RTKN2: variants seen among roughly 807,000 people sequenced by gnomAD.
RTKN2 encodes rhotekin 2, also known as rhotekin-2.
Under a neutral mutation model 71.5 loss-of-function variants are expected in RTKN2, and 69 were observed. That is an observed-to-expected ratio of 0.96 (90% CI 0.79 to 1.18). RTKN2 has a LOEUF of 1.18. Among genes scored for constraint, RTKN2 ranks in the 50% most tolerant of loss-of-function variants. The probability of loss-of-function intolerance (pLI) is 0.00; values close to 1 mark genes in which losing one functional copy is unlikely to be tolerated. For synonymous variants in RTKN2, 236 were observed against 236.5 expected, an observed-to-expected ratio of 1.00 and a Z score of 0.02; for missense variants, 724 against 719.7, an observed-to-expected ratio of 1.01 and a Z score of -0.07.
intron 4 of RTKN2, among the ~76,000 whole-genome samples, chr10:62,240,234 A>G (rs1322681273): frequency 1.5e-5 from 2 of 130,212 alleles, no homozygotes; most frequent in Non-Finnish European, 3.2e-5. Context: ...CCAAACTAAC[A>G]GCAAGGGAGG....
chr10:62,250,806 T>C (rs2048330808), intron 2 of RTKN2, among the ~76,000 whole-genome samples: 1 of 152,124 alleles, frequency 6.6e-6, no homozygotes, highest in Non-Finnish European at 1.5e-5. Flanking sequence ...ATGTTTATGT[T>C]ATTTGGTAGA....
intron 1 of RTKN2, among the ~76,000 whole-genome samples, chr10:62,263,554 A>G (rs1842815850): frequency 6.6e-6 from 1 of 152,250 alleles, no homozygotes; most frequent in Non-Finnish European, 1.5e-5. Context: ...TATATTATAT[A>G]CATTGTATTA....
At position 62,227,010 on chromosome 10, in the gene RTKN2, C is replaced by T. The variant is rs547159250; in HGVS notation, c.687-3678G>A. 5.8e-4 allele frequency among the ~76,000 whole-genome samples: 88 copies of T among 152,154 alleles called. 1 individual carries two copies. The Middle Eastern group carries it at 0.024, about 41-fold the overall frequency. On this transcript the variant is annotated intron_variant, in intron 6 of 11. Transcript: ENST00000373789. ...AATTGATAACACATTATAACGTTTC[C>T]CACTTAAAATAATGGGAAGTAGACT...
intron 2 of RTKN2, among the ~76,000 whole-genome samples, chr10:62,258,924 G>A (rs1289570816): frequency 6.6e-6 from 1 of 152,068 alleles, no homozygotes; most frequent in African/African-American, 2.4e-5. Flanking sequence ...AGCCACAAAG[G>A]CACTGTGTAT....
At position 62,217,265 on chromosome 10, in the gene RTKN2, AAAAAAT is replaced by A; in HGVS notation, c.889-22_889-17del. 6.6e-7 allele frequency: 1 copy of A among 1,512,790 alleles called. No homozygotes were observed. Among genetic ancestry groups the A allele is most frequent in the East Asian group, 2.3e-5 (1 of 42,726 alleles). The allele number at this position is 1,512,790 out of a possible 1,614,324, so 93.7% of individuals were successfully genotyped here. The stretch of plus-strand genomic sequence containing the variant: ...CTACCATTTGCTGAAAAAAAAAAAA[AAAAAAT>A]CAAGAGACTATCAATTTTAAGTTAT... On this transcript the variant is annotated splice_polypyrimidine_tract_variant and intron_variant, in intron 8 of 11. Transcript: ENST00000373789.
chr10:62,224,382 T>C (rs1020179547), intron 6 of RTKN2, among the ~76,000 whole-genome samples: 3 of 152,136 alleles, frequency 2.0e-5, no homozygotes, highest in Non-Finnish European at 4.4e-5. Flanking sequence ...ACGATGCAAG[T>C]TATTAACTTA....
At chr10:62,211,954 G>A (rs977631877) in intron 9 of RTKN2, among the ~76,000 whole-genome samples, 4 of 152,002 alleles carry the variant, frequency 2.6e-5, no homozygotes, top group African/African-American at 4.8e-5. Flanking sequence ...GTGAGCTACC[G>A]CACCCAGCCG....
intron 9 of RTKN2, among the ~76,000 whole-genome samples, chr10:62,216,498 C>T (rs1405961729): frequency 6.6e-6 from 1 of 151,788 alleles, no homozygotes; most frequent in Non-Finnish European, 1.5e-5. Context: ...ACTAAGTTTG[C>T]CTTATATTGA....
At chr10:62,253,753 A>G (rs1842623442) in intron 2 of RTKN2, among the ~76,000 whole-genome samples, 1 of 152,158 alleles carries the variant, frequency 6.6e-6, no homozygotes, top group Admixed American at 6.5e-5. Flanking sequence ...TTTTAAAAAC[A>G]TCTACCTGAA....
chr10:62,222,737 C>A (rs748872507), intron 7 of RTKN2, among the ~76,000 whole-genome samples: 24 of 152,138 alleles, frequency 1.6e-4, no homozygotes, highest in Non-Finnish European at 3.1e-4. Context: ...TTCCTAATGA[C>A]CTAAACCCCT....
At chr10:62,222,443 T>C (rs1841930442) in intron 7 of RTKN2, among the ~76,000 whole-genome samples, 1 of 152,092 alleles carries the variant, frequency 6.6e-6, no homozygotes, top group Non-Finnish European at 1.5e-5. Context: ...CATATTTACA[T>C]TTCATGAACT....
chr10:62,268,803 C>A lies in RTKN2; in HGVS notation c.-193G>T. ...GCGCCTTGCGCTCTGCAGCTCCCGC[C>A]GCCGGAAGTTGCCGAGACCCCAGGC... On this transcript the variant is annotated 5_prime_UTR_variant, in exon 1 of 12. Coordinates refer to ENST00000373789, the MANE Select transcript of RTKN2 (RefSeq NM_145307.4). The A allele has an allele frequency of 1.8e-6, 1 of 566,204 alleles. No individual in the cohort carries two copies. Among genetic ancestry groups the A allele is most frequent in the South Asian group, 2.4e-5 (1 of 42,450 alleles). The allele number at this position is 566,204 out of a possible 1,614,324, so 35.1% of individuals were successfully genotyped here.
At chr10:62,189,569 T>C (rs1289325717), downstream of RTKN2, among the ~76,000 whole-genome samples, 2 of 152,190 alleles carry the variant, frequency 1.3e-5, no homozygotes, top group Non-Finnish European at 2.9e-5. Context: ...CAAACGTCTG[T>C]AATCCCAGCA....
intron 1 of RTKN2, among the ~76,000 whole-genome samples, chr10:62,263,435 A>G (rs1176475451): frequency 1.3e-5 from 2 of 152,188 alleles, no homozygotes; most frequent in Admixed American, 1.3e-4. Flanking sequence ...TCTGGCCTCC[A>G]TAAGTTTGAG....
At chr10:62,206,897 T>C (rs186798216) in intron 9 of RTKN2, among the ~76,000 whole-genome samples, 222 of 152,036 alleles carry the variant, frequency 1.5e-3, no homozygotes, top group African/African-American at 4.8e-3. Flanking sequence ...ACTGTAAATA[T>C]AAAGCTTATA....
At position 62,257,486 on chromosome 10, in the gene RTKN2, T is replaced by C. The variant is rs912599100; in HGVS notation, c.257+5139A>G. ...GGCAGGTGTGGTGTCCCAGAACAAG[T>C]GGGTTTTATCAAGTGAGAATGAAAG... On this transcript the variant is annotated intron_variant, in intron 2 of 11. Coordinates refer to ENST00000373789, the MANE Select transcript of RTKN2 (RefSeq NM_145307.4). Among the ~76,000 whole-genome samples, 7 of 152,128 alleles carry C rather than the reference T, an allele frequency of 4.6e-5. No individual in the cohort carries two copies. The East Asian group carries it at 7.7e-4, about 17-fold the overall frequency.
intron 1 of RTKN2, among the ~76,000 whole-genome samples, chr10:62,263,040 G>A (rs937606752): frequency 3.9e-5 from 6 of 152,064 alleles, no homozygotes; most frequent in South Asian, 2.1e-4. Context: ...CGGAATAAAC[G>A]AACATAAACA....
At chr10:62,240,991 T>C (rs1044551330) in intron 4 of RTKN2, 151 bp downstream of exon 4, 2 of 554,862 alleles carry the variant, frequency 3.6e-6, no homozygotes, top group African/African-American at 3.8e-5. Context: ...GCAACATATT[T>C]ATATTAAAAA....
rs945753382 is a variant in RTKN2 at position 62,268,712 on chromosome 10, A to C, written c.-102T>G. Reference sequence around the variant, plus strand: ...CAGAGGACGCCAACCGCCCGGCCGTACCAAGTCCCAGTCGCAGGGGCCGGG... The same window carrying C: ...CAGAGGACGCCAACCGCCCGGCCGTCCCAAGTCCCAGTCGCAGGGGCCGGG... On this transcript the variant is annotated 5_prime_UTR_variant, in exon 1 of 12. Transcript: ENST00000373789. The C allele has an allele frequency of 3.7e-5, 46 of 1,248,592 alleles. 1 individual carries two copies. Among genetic ancestry groups the C allele is most frequent in the Non-Finnish European group, 4.6e-5 (41 of 898,692 alleles). The allele number at this position is 1,248,592 out of a possible 1,614,324, so 77.3% of individuals were successfully genotyped here. A position where few individuals can be genotyped will look rare whatever the true frequency, so the allele number is the denominator to read the frequency against.
Sources: gnomAD v4.1 joint callset for allele counts (sites outside exome capture counted in the v4.1 genomes callset) on GRCh38, gnomAD v4.1.1 for gene constraint, MANE v1.5 for transcripts, NCBI Gene and HGNC (gene_info 2026-07-23, HGNC 2026-07-21) for gene names.